GRM3: variants seen among roughly 807,000 people sequenced by gnomAD.
GRM3 encodes the protein glutamate metabotropic receptor 3.
GRM3 carries 26 observed loss-of-function variants against 70.5 expected under a neutral mutation model. The observed-to-expected ratio is 0.37, with a 90% confidence interval of 0.27 to 0.51. GRM3 has a LOEUF of 0.51. Ranked by LOEUF, GRM3 falls within the 20% of genes least tolerant of loss-of-function variation. GRM3 has a pLI of 0.93. For synonymous variants in GRM3, 443 were observed against 434.9 expected, an observed-to-expected ratio of 1.02 and a Z score of -0.23; for missense variants, 859 against 1,123.8, an observed-to-expected ratio of 0.76 and a Z score of 3.37.
chr7:86,816,970 C>T (rs1175484489), intron 3 of GRM3, among the ~76,000 whole-genome samples: 1 of 151,630 alleles, frequency 6.6e-6, no homozygotes, highest in Non-Finnish European at 1.5e-5. Flanking sequence ...AGAACAGAAC[C>T]CTGAGGTTCT....
intron 4 of GRM3, among the ~76,000 whole-genome samples, chr7:86,843,397 A>G (rs1798594387): frequency 6.6e-6 from 1 of 152,192 alleles, no homozygotes; most frequent in African/African-American, 2.4e-5. Flanking sequence ...AGTCTAAATC[A>G]AGGAGGACTA....
chr7:86,669,878 C>T (rs1458127777), intron 1 of GRM3, among the ~76,000 whole-genome samples: 1 of 152,152 alleles, frequency 6.6e-6, no homozygotes, highest in African/African-American at 2.4e-5. Context: ...TACTCCTTAA[C>T]TCACTCTGTA....
chr7:86,659,520 A>G lies in GRM3; in HGVS notation c.-141+14648A>G, dbSNP rs535181910. Among the ~76,000 whole-genome samples, 5 of 152,216 alleles carry G rather than the reference A, an allele frequency of 3.3e-5. No individual in the cohort carries two copies. In the East Asian group the frequency reaches 9.6e-4, roughly 29 times the overall value. ...AGAGCTTACGAATTTGACCAGTTGAATATATTGCTTCTCTCAGGAAAGCAT... is the reference window on the plus strand; with the variant it reads ...AGAGCTTACGAATTTGACCAGTTGAGTATATTGCTTCTCTCAGGAAAGCAT... On this transcript the variant is annotated intron_variant, in intron 1 of 5. Coordinates refer to ENST00000361669, the MANE Select transcript of GRM3 (RefSeq NM_000840.3).
rs140312495 is a variant in GRM3 at position 86,765,490 on chromosome 7, A to C, written c.345A>C (p.Ala115=). The part of the protein sequence containing the change: ...ALEQSLEFVR[A]SLTKVDEAEY... ...AGCAATCACTGGAGTTTGTCAGGGCATCTTTGACAAAAGTGGATGAAGCTG... is the reference window on the plus strand; with the variant it reads ...AGCAATCACTGGAGTTTGTCAGGGCCTCTTTGACAAAAGTGGATGAAGCTG... Residue 115 remains alanine (A), a synonymous_variant, in exon 2 of 6, where the codon GCA becomes GCC. Transcript: ENST00000361669. The C allele has an allele frequency of 3.3e-5, 54 of 1,613,966 alleles. No homozygotes were observed. The African/African-American group carries it at 6.4e-4, about 19-fold the overall frequency.
At chr7:86,683,624 G>A (rs1312428548) in intron 1 of GRM3, among the ~76,000 whole-genome samples, 5 of 152,042 alleles carry the variant, frequency 3.3e-5, no homozygotes, top group South Asian at 2.1e-4. Context: ...TGATATCACC[G>A]ACACCAAGGG....
intron 1 of GRM3, among the ~76,000 whole-genome samples, chr7:86,725,476 T>C (rs1266473325): frequency 6.6e-6 from 1 of 152,156 alleles, no homozygotes; most frequent in Non-Finnish European, 1.5e-5. Flanking sequence ...GCATCTTTCA[T>C]AACCTAGCCT....
chr7:86,666,960 G>T (rs1434848830), intron 1 of GRM3, among the ~76,000 whole-genome samples: 1 of 152,074 alleles, frequency 6.6e-6, no homozygotes, highest in Non-Finnish European at 1.5e-5. Flanking sequence ...CGCTAAGGTT[G>T]TCATAGGCGA....
intron 1 of GRM3, among the ~76,000 whole-genome samples, chr7:86,668,708 TG>T (rs1794093305): frequency 6.6e-6 from 1 of 152,132 alleles, no homozygotes; most frequent in Non-Finnish European, 1.5e-5. Context: ...GCTCCTACCC[TG>T]GAAGATTAAC....
At chr7:86,830,946 T>C (rs1318565195) in intron 3 of GRM3, among the ~76,000 whole-genome samples, 1 of 152,064 alleles carries the variant, frequency 6.6e-6, no homozygotes, top group East Asian at 1.9e-4. Context: ...ATCAGAGTAA[T>C]GCATTAACAA....
At chr7:86,664,276 G>GGA (rs1454524782) in intron 1 of GRM3, among the ~76,000 whole-genome samples, 2 of 151,836 alleles carry the variant, frequency 1.3e-5, no homozygotes, top group Non-Finnish European at 2.9e-5. Context: ...GACAAAGATG[G>GGA]TAGACATTGA....
intron 3 of GRM3, among the ~76,000 whole-genome samples, chr7:86,804,604 T>C (rs1234180953): frequency 3.3e-5 from 5 of 152,052 alleles, no homozygotes; most frequent in Non-Finnish European, 2.9e-5. Context: ...AGAGACGGGG[T>C]TTCACCATGT....
At position 86,850,769 on chromosome 7, in the gene GRM3, G is replaced by A. The variant is rs558895640; in HGVS notation, c.2566+225G>A. On this transcript the variant is annotated intron_variant, in intron 5 of 5. Coordinates refer to ENST00000361669, the MANE Select transcript of GRM3 (RefSeq NM_000840.3). ...TGGGCAGCACATACAGTCTAGCAGG[G>A]AACAAAGACATTAAATACATAGCTG... Among the ~76,000 whole-genome samples, 10 of 152,246 alleles carry A rather than the reference G, an allele frequency of 6.6e-5. No individual in the cohort carries two copies. The East Asian group carries it at 1.9e-3, about 29-fold the overall frequency.
chr7:86,756,436 G>C (rs932327433), intron 1 of GRM3, among the ~76,000 whole-genome samples: 4 of 152,052 alleles, frequency 2.6e-5, no homozygotes. Context: ...TGTTCTAATT[G>C]CCTATAAAAA....
At position 86,786,483 on chromosome 7, in the gene GRM3, G is replaced by T; in HGVS notation, c.691G>T (p.Glu231Ter). 1.2e-6 allele frequency: 2 copies of T among 1,614,220 alleles called. No individual in the cohort carries two copies. The highest frequency in any genetic ancestry group is 1.7e-6 in the Non-Finnish European group (2 of 1,180,040). Reference protein sequence around the residue: ...DYGETGIEAFEQEARLRNICI... With the variant: ...DYGETGIEAF Reference sequence around the variant, plus strand: ...CGGGGAGACAGGGATCGAGGCCTTCGAGCAGGAAGCCCGCCTGCGCAACAT... The same window carrying T: ...CGGGGAGACAGGGATCGAGGCCTTCTAGCAGGAAGCCCGCCTGCGCAACAT... Residue 231 changes from glutamate (E) to a stop codon, truncating the protein, a stop_gained, in exon 3 of 6, where the codon GAG (glutamate) becomes TAG (stop). Transcript: ENST00000361669. LOFTEE classifies it high-confidence loss of function. The surrounding 1 kb of genome is among the most constrained non-coding windows in gnomAD (Gnocchi z 6.0).
chr7:86,709,934 A>G (rs1293198126), intron 1 of GRM3, among the ~76,000 whole-genome samples: 2 of 152,144 alleles, frequency 1.3e-5, no homozygotes, highest in African/African-American at 2.4e-5. Flanking sequence ...TTGTAGGGAC[A>G]ATTGCAAAGT....
chr7:86,823,607 G>A (rs1490729397), intron 3 of GRM3, among the ~76,000 whole-genome samples: 5 of 78,484 alleles, frequency 6.4e-5, no homozygotes, highest in African/African-American at 2.7e-4. Flanking sequence ...TTTTTTTTTG[G>A]CGGGGGGGGA....
chr7:86,767,075 A>C (rs1796616748), intron 2 of GRM3, among the ~76,000 whole-genome samples: 1 of 151,810 alleles, frequency 6.6e-6, no homozygotes, highest in Non-Finnish European at 1.5e-5. Context: ...AGCAGGGCAT[A>C]GTGGGACACA....
chr7:86,752,319 CT>C (rs1274395637), intron 1 of GRM3, among the ~76,000 whole-genome samples: 2 of 152,032 alleles, frequency 1.3e-5, no homozygotes, highest in Non-Finnish European at 2.9e-5. Flanking sequence ...GAAATGGGCC[CT>C]TGTGTAACAT....
chr7:86,813,286 G>A (rs1416957392), intron 3 of GRM3, among the ~76,000 whole-genome samples: 1 of 151,684 alleles, frequency 6.6e-6, no homozygotes, highest in Non-Finnish European at 1.5e-5. Context: ...GTTTCTGGGA[G>A]TCTCTGAAAA....
Sources: gnomAD v4.1 joint callset for allele counts (sites outside exome capture counted in the v4.1 genomes callset) on GRCh38, gnomAD v4.1.1 for gene constraint, Gnocchi (gnomAD v3.1) non-coding constraint, MANE v1.5 for transcripts, NCBI Gene and HGNC (gene_info 2026-07-23, HGNC 2026-07-21) for gene names.